ATM: variants seen among roughly 807,000 people sequenced by gnomAD.
The protein encoded by ATM is serine-protein kinase ATM.
A neutral mutation model predicts 387.0 loss-of-function variants in ATM; 308 were observed. The observed-to-expected ratio is 0.80, with a 90% CI of 0.73 to 0.87. The LOEUF (loss-of-function observed/expected upper bound fraction) is 0.87. ATM is among the 40% of genes least tolerant of loss of function. The probability of loss-of-function intolerance (pLI) is 0.00; values close to 1 mark genes in which losing one functional copy is unlikely to be tolerated. For missense variants in ATM, 3,312 were observed against 3,560.9 expected (o/e 0.93, Z 1.78); for synonymous variants, 1,156 against 1,187.3 (o/e 0.97, Z 0.54).
In ATM at chr11:108,345,732, T is replaced by C. The variant is rs2088259467; in HGVS notation, c.8419-11T>C. 2 of 1,565,104 alleles carry C rather than the reference T, an allele frequency of 1.3e-6. No individual in the cohort carries two copies. Among genetic ancestry groups the C allele is most frequent in the Non-Finnish European group, 1.7e-6 (2 of 1,144,492 alleles). On this transcript the variant is annotated splice_polypyrimidine_tract_variant and intron_variant, in intron 57 of 62. Coordinates refer to ENST00000675843, the MANE Select transcript of ATM (RefSeq NM_000051.4). ...TATTGAAAAATAATTATATATATTC[T>C]CTATTTAAAGGAGGTGCAAAAAAAG...
At chr11:108,245,390 C>CT (rs1487329108) in intron 7 of ATM, among the ~76,000 whole-genome samples, 9 of 152,072 alleles carry the variant, frequency 5.9e-5, no homozygotes, top group African/African-American at 2.2e-4. Context: ...CCACCTATTA[C>CT]TTTTATTAGA....
intron 33 of ATM, among the ~76,000 whole-genome samples, chr11:108,299,313 C>T (rs1045156265): frequency 8.9e-6 from 1 of 112,200 alleles, no homozygotes; most frequent in Non-Finnish European, 2.0e-5. Context: ...GATTCTCTCT[C>T]TCTTTTTTTT....
chr11:108,265,788 A>G (rs1265656552), intron 16 of ATM, among the ~76,000 whole-genome samples: 60 of 122,310 alleles, frequency 4.9e-4, no homozygotes, highest in Non-Finnish European at 6.9e-4. Context: ...AATTTACAAG[A>G]AAAAAACAAA....
intron 51 of ATM, 99 bp downstream of exon 51, chr11:108,331,656 A>G: frequency 7.1e-7 from 1 of 1,416,230 alleles, no homozygotes. Flanking sequence ...AGAAATGGAA[A>G]TACAAAATTT....
In ATM at chr11:108,329,183, A is replaced by C; in HGVS notation, c.7252A>C (p.Lys2418Gln). Reference sequence around the variant, plus strand: ...ATTTGAAAACAAGCAAGCTCTCCTGAAAAGAGCCAAAGAGGAAGTAGGTCT... The same window carrying C: ...ATTTGAAAACAAGCAAGCTCTCCTGCAAAGAGCCAAAGAGGAAGTAGGTCT... ...SEFENKQALL[K>Q]RAKEEVGLLR... The change falls in exon 49 of 63, where the codon AAA becomes CAA. Residue 2418 changes from lysine (K) to glutamine (Q), a missense_variant. Lys to Gln is a moderately conservative substitution (Grantham distance 53). Coordinates refer to ENST00000675843, the MANE Select transcript of ATM (RefSeq NM_000051.4). The C allele has an allele frequency of 6.2e-7, 1 of 1,614,064 alleles. No homozygotes were observed. The highest frequency in any genetic ancestry group is 2.2e-5 in the East Asian group (1 of 44,836).
chr11:108,338,756 T>C (rs2087136891), intron 56 of ATM, among the ~76,000 whole-genome samples: 1 of 152,186 alleles, frequency 6.6e-6, no homozygotes, highest in Non-Finnish European at 1.5e-5. Context: ...ACAGTTTAGG[T>C]TTGACTATTT....
chr11:108,247,109 G>T lies in ATM; in HGVS notation c.1047G>T (p.Met349Ile), dbSNP rs768480943. 1.2e-6 allele frequency: 2 copies of T among 1,613,706 alleles called. No homozygotes were observed. The highest frequency in any genetic ancestry group is 2.2e-5 in the South Asian group (2 of 91,002). The change falls in exon 8 of 63, where the codon ATG becomes ATT. Residue 349 changes from methionine (M) to isoleucine (I), a missense_variant. Physicochemically the swap from Met to Ile is conservative, Grantham distance 10. Around this residue, in one of 4 missense-constraint regions of ATM, gnomAD observed 1,791 missense variants for 1,804.5 expected, o/e 0.99. Transcript: ENST00000675843. ...IAVKENLIEL[M>I]ADICHQVFNE... ...TCAAAGAAAATTTGATTGAATTGATGGCAGATATCTGTCACCAGGTACAGT... is the reference window on the plus strand; with the variant it reads ...TCAAAGAAAATTTGATTGAATTGATTGCAGATATCTGTCACCAGGTACAGT...
rs878853544 is a variant in ATM at position 108,330,315 on chromosome 11, A to T, written c.7409A>T (p.Tyr2470Phe). ...KRFLCKAVEN[Y>F]INCLLSGEEH... is the part of the protein sequence containing the mutation. ...TTCTTATGTAAAGCAGTTGAAAATT[A>T]TATCAACTGCTTATTAAGTGGAGAA... Residue 2470 changes from tyrosine (Y) to phenylalanine (F), a missense_variant, in exon 50 of 63, where the codon TAT becomes TTT. Physicochemically the swap from Tyr to Phe is conservative, Grantham distance 22. Around this residue, in one of 4 missense-constraint regions of ATM, gnomAD observed 1,405 missense variants for 1,604.4 expected, o/e 0.88. Transcript: ENST00000675843. The T allele has an allele frequency of 6.2e-7, 1 of 1,614,108 alleles. No homozygotes were observed. Among genetic ancestry groups the T allele is most frequent in the Non-Finnish European group, 8.5e-7 (1 of 1,179,916 alleles).
At position 108,233,724 on chromosome 11, in the gene ATM, G is replaced by A. The variant is rs549432017; in HGVS notation, c.332-1946G>A. 5.3e-5 allele frequency among the ~76,000 whole-genome samples: 8 copies of A among 152,190 alleles called. No homozygotes were observed. The East Asian group carries it at 1.5e-3, about 29-fold the overall frequency. On this transcript the variant is annotated intron_variant, in intron 4 of 62. Coordinates refer to ENST00000675843, the MANE Select transcript of ATM (RefSeq NM_000051.4). Reference sequence around the variant, plus strand: ...TAGCTGAGTGTAGTGGTGCTTGCCTGTAGTCCTAGCTACCTGGGAGGCTGA... The same window carrying A: ...TAGCTGAGTGTAGTGGTGCTTGCCTATAGTCCTAGCTACCTGGGAGGCTGA...
At chr11:108,262,940 T>A in intron 16 of ATM, among the ~76,000 whole-genome samples, 1 of 151,562 alleles carries the variant, frequency 6.6e-6, no homozygotes, top group Non-Finnish European at 1.5e-5. Flanking sequence ...CTAACTATCC[T>A]AAATATATAT....
chr11:108,244,583 C>T (rs568894546), intron 6 of ATM, among the ~76,000 whole-genome samples: 1 of 151,114 alleles, frequency 6.6e-6, no homozygotes, highest in East Asian at 1.9e-4. Flanking sequence ...GAAGTGGTCT[C>T]TTAACACCAA....
intron 8 of ATM, 58 bp from the exon 9 acceptor site, chr11:108,248,875 C>G (rs950004679): frequency 2.1e-6 from 3 of 1,443,882 alleles, no homozygotes; most frequent in Non-Finnish European, 2.8e-6. Context: ...GCAACAACAG[C>G]GAAACTCTGG....
At position 108,282,815 on chromosome 11, in the gene ATM, G is replaced by A. The variant is rs1334793787; in HGVS notation, c.3682G>A (p.Glu1228Lys). 1 of 1,555,958 alleles carries A rather than the reference G, an allele frequency of 6.4e-7. No individual in the cohort carries two copies. The highest frequency in any genetic ancestry group is 8.9e-7 in the Non-Finnish European group (1 of 1,128,396). The part of the protein sequence containing the change: ...VLEWLNLQDT[E>K]YNLSSFPFIL... ...GGAATGGCTAAATCTTCAAGATACT[G>A]AATACAACTTATCTTCTTTTCCTTT... The change falls in exon 25 of 63, where the codon GAA (glutamate) becomes AAA (lysine). Residue 1228 changes from glutamate to lysine, a missense_variant. Physicochemically the swap from Glu to Lys is moderately conservative, Grantham distance 56 (BLOSUM62 1). Transcript: ENST00000675843.
At chr11:108,260,918 C>T (rs1397430696) in intron 16 of ATM, among the ~76,000 whole-genome samples, 13 of 152,254 alleles carry the variant, frequency 8.5e-5, no homozygotes, top group African/African-American at 2.2e-4. Flanking sequence ...CCGAATACTG[C>T]TCTTTTGCGA....
chr11:108,316,191 C>A, intron 42 of ATM, 78 bp downstream of exon 42: 1 of 1,290,688 alleles, frequency 7.7e-7, no homozygotes, highest in Non-Finnish European at 1.1e-6. Flanking sequence ...TGGATATTTA[C>A]ACAGCCAGAT....
At position 108,331,867 on chromosome 11, in the gene ATM, C is replaced by G. The variant is rs911541230; in HGVS notation, c.7630-12C>G. 5.0e-6 allele frequency: 8 copies of G among 1,612,302 alleles called. No homozygotes were observed. The highest frequency in any genetic ancestry group is 6.8e-6 in the Non-Finnish European group (8 of 1,178,808). The stretch of plus-strand genomic sequence containing the variant: ...GTTTATTTGCATAAATCTAATAGTT[C>G]TTTTCTTACAGCTAATCTCTAGAAT... On this transcript the variant is annotated splice_polypyrimidine_tract_variant and intron_variant, in intron 51 of 62. Coordinates refer to ENST00000675843, the MANE Select transcript of ATM (RefSeq NM_000051.4).
chr11:108,326,331 G>T, intron 47 of ATM, 106 bp downstream of exon 47: 1 of 1,390,980 alleles, frequency 7.2e-7, no homozygotes, highest in Non-Finnish European at 9.7e-7. Flanking sequence ...CTTGAAATTA[G>T]TAATTTATTA....
intron 3 of ATM, 83 bp downstream of exon 3, chr11:108,227,971 T>G: frequency 8.3e-7 from 1 of 1,198,566 alleles, no homozygotes. Flanking sequence ...TGTGTGTAAG[T>G]CTTAACATTT....
chr11:108,227,948 G>A (rs2135016952), intron 3 of ATM, 60 bp downstream of exon 3: 1 of 1,395,218 alleles, frequency 7.2e-7, no homozygotes, highest in Non-Finnish European at 1.0e-6. Context: ...TATTTCTGTT[G>A]TGATATTACT....
Sources: gnomAD v4.1 joint callset for allele counts (sites outside exome capture counted in the v4.1 genomes callset) on GRCh38, gnomAD v4.1.1 for gene constraint, gnomAD v4.1.1 regional missense constraint, MANE v1.5 for transcripts, NCBI Gene and HGNC (gene_info 2026-07-23, HGNC 2026-07-21) for gene names.